KCNK12: variants seen among roughly 807,000 people sequenced by gnomAD.
KCNK12 encodes the protein potassium two pore domain channel subfamily K member 12.
KCNK12 carries 6 observed loss-of-function variants against 25.3 expected under a neutral mutation model. The observed-to-expected ratio is 0.24, with a 90% confidence interval of 0.13 to 0.47. KCNK12 has a LOEUF of 0.47. Ranked by LOEUF, KCNK12 falls within the 20% of genes least tolerant of loss-of-function variation. The probability of loss-of-function intolerance (pLI) is 0.99; values close to 1 mark genes in which losing one functional copy is unlikely to be tolerated. For missense variants in KCNK12, 444 were observed against 661.7 expected (o/e 0.67, Z 3.61); for synonymous variants, 331 against 311.1 (o/e 1.06, Z -0.67).
intron 1 of KCNK12, among the ~76,000 whole-genome samples, chr2:47,541,097 G>A (rs1176407886): frequency 1.3e-5 from 2 of 152,206 alleles, no homozygotes; most frequent in Non-Finnish European, 2.9e-5. Context: ...AATGGGAAGT[G>A]CAGAGCCACC....
At chr2:47,559,259 A>C (rs1669614532) in intron 1 of KCNK12, among the ~76,000 whole-genome samples, 1 of 152,190 alleles carries the variant, frequency 6.6e-6, no homozygotes, top group Non-Finnish European at 1.5e-5. Context: ...CACACCTGCC[A>C]GCCACTGAGA....
chr2:47,545,904 CACTTA>C (rs1669302701), intron 1 of KCNK12, among the ~76,000 whole-genome samples: 1 of 150,586 alleles, frequency 6.6e-6, no homozygotes, highest in Non-Finnish European at 1.5e-5. Context: ...GACTGAATTG[CACTTA>C]ACTTCTTTTT....
At chr2:47,549,788 G>C (rs1470702000) in intron 1 of KCNK12, among the ~76,000 whole-genome samples, 2 of 152,100 alleles carry the variant, frequency 1.3e-5, no homozygotes, top group Non-Finnish European at 2.9e-5. Flanking sequence ...ACAAAAATTA[G>C]CCAGGCGCAG....
rs1668851806 is a variant in KCNK12, at chr2:47,528,795, T to A, written c.392-6987A>T. Among the ~76,000 whole-genome samples, 1 of 152,182 alleles carries A rather than the reference T, an allele frequency of 6.6e-6. No homozygotes were observed. Among genetic ancestry groups the A allele is most frequent in the African/African-American group, 2.4e-5 (1 of 41,442 alleles). ...GCCGCCTTCGCAAATGGGGCCCTGG[T>A]GATGGGGCCTTCGGAGTTCAGCTCA... On this transcript the variant is annotated intron_variant, in intron 1 of 1. Transcript: ENST00000327876. The surrounding 1 kb of genome is among the most constrained non-coding windows in gnomAD (Gnocchi z 4.5).
intron 1 of KCNK12, among the ~76,000 whole-genome samples, chr2:47,524,340 T>C (rs1254985844): frequency 7.9e-5 from 12 of 152,244 alleles, no homozygotes; most frequent in Non-Finnish European, 1.6e-4. Flanking sequence ...ACTAAATGAT[T>C]GTCTATTCAT....
In KCNK12 at chr2:47,520,035, C is replaced by T. The variant is rs1206358627; in HGVS notation, c.*872G>A. ...AATAAATATCTTGTCTGAGAAGACTCAGATATTCCTGGTTAATATTGAAAA... is the reference window on the plus strand; with the variant it reads ...AATAAATATCTTGTCTGAGAAGACTTAGATATTCCTGGTTAATATTGAAAA... On this transcript the variant is annotated 3_prime_UTR_variant, in exon 2 of 2. Transcript: ENST00000327876. This position sits in a 1 kb window ranked among gnomAD's most constrained non-coding sequence, Gnocchi z 5.0. 3 of 152,180 alleles carry T rather than the reference C, an allele frequency of 2.0e-5. No individual in the cohort carries two copies. The highest frequency in any genetic ancestry group is 2.1e-4 in the South Asian group (1 of 4,830). 9.4% of individuals were successfully genotyped at this position (152,180 alleles called of 1,614,324 possible).
intron 1 of KCNK12, among the ~76,000 whole-genome samples, chr2:47,539,542 GGA>G (rs1669148807): frequency 6.6e-6 from 1 of 152,152 alleles, no homozygotes; most frequent in Non-Finnish European, 1.5e-5. Context: ...CACAAACGCA[GGA>G]GAGGATGAAG....
Position 47,548,624 on chromosome 2 carries a change from A to C in KCNK12, c.391+21317T>G, listed in dbSNP as rs1669362627. ...TACACACTGACTTTCGCTTCAGGCC[A>C]CGAGGGCGTAGCTGAATCCAGACTT... is the stretch of plus-strand genomic sequence containing the variant. On this transcript the variant is annotated intron_variant, in intron 1 of 1. Transcript: ENST00000327876. The surrounding 1 kb of genome is among the most constrained non-coding windows in gnomAD (Gnocchi z 4.4). 6.6e-6 allele frequency among the ~76,000 whole-genome samples: 1 copy of C among 152,254 alleles called. No homozygotes were observed. The highest frequency in any genetic ancestry group is 1.5e-5 in the Non-Finnish European group (1 of 68,040).
intron 1 of KCNK12, among the ~76,000 whole-genome samples, chr2:47,537,622 C>T (rs920889589): frequency 6.6e-6 from 1 of 152,220 alleles, no homozygotes; most frequent in African/African-American, 2.4e-5. Context: ...AGCCACCGCG[C>T]CCAGCTGTGA....
At position 47,512,255 on chromosome 2, in the gene KCNK12, A is replaced by G. The variant is rs767122493; in HGVS notation, c.*8652T>C. 36 of 1,604,960 alleles carry G rather than the reference A, an allele frequency of 2.2e-5. No individual in the cohort carries two copies. In the South Asian group the frequency reaches 4.0e-4, roughly 18 times the overall value. The stretch of plus-strand genomic sequence containing the variant: ...TTGCTGAGTATCGTTCTTGATGGAA[A>G]TCCCCGTGGAACTCCTACATTTTCT... On this transcript the variant is annotated 3_prime_UTR_variant, in exon 2 of 2. Coordinates refer to ENST00000327876, the MANE Select transcript of KCNK12 (RefSeq NM_022055.2).
At position 47,534,020 on chromosome 2, in the gene KCNK12, C is replaced by G. The variant is rs115700047; in HGVS notation, c.392-12212G>C. On this transcript the variant is annotated intron_variant, in intron 1 of 1. Coordinates refer to ENST00000327876, the MANE Select transcript of KCNK12 (RefSeq NM_022055.2). ...CTCTGGGGGCCTTTGAGGTGACTTT[C>G]TTCATTTGATGACAACAAGATGGGA... 3.5e-3 allele frequency among the ~76,000 whole-genome samples: 538 copies of G among 152,022 alleles called. 1 individual carries two copies. Among genetic ancestry groups the G allele is most frequent in the African/African-American group, 0.013 (519 of 41,448 alleles).
chr2:47,534,173 T>G (rs778316350), intron 1 of KCNK12, among the ~76,000 whole-genome samples: 3 of 151,968 alleles, frequency 2.0e-5, no homozygotes, highest in Non-Finnish European at 2.9e-5. Flanking sequence ...AGTGACTTCT[T>G]TGAATCGACT....
intron 1 of KCNK12, among the ~76,000 whole-genome samples, chr2:47,522,331 C>A (rs1668677229): frequency 6.6e-6 from 1 of 152,158 alleles, no homozygotes; most frequent in Admixed American, 6.5e-5. Flanking sequence ...AGATATCTAG[C>A]TTCTTATGTG....
Position 47,562,787 on chromosome 2 carries a change from A to C in KCNK12, c.391+7154T>G, listed in dbSNP as rs577975401. On this transcript the variant is annotated intron_variant, in intron 1 of 1. Coordinates refer to ENST00000327876, the MANE Select transcript of KCNK12 (RefSeq NM_022055.2). This position sits in a 1 kb window ranked among gnomAD's most constrained non-coding sequence, Gnocchi z 4.8. ...GCCCCTCCACCCCCTGTTCCTCACC[A>C]ACTCTCCCCGTGTAGAAACTCTGCA... 5.1e-5 allele frequency: 12 copies of C among 233,088 alleles called. No homozygotes were observed. The South Asian group carries it at 1.6e-3, about 32-fold the overall frequency. The allele number at this position is 233,088 out of a possible 1,614,324, so 14.4% of individuals were successfully genotyped here. A position where few individuals can be genotyped will look rare whatever the true frequency, so the allele number is the denominator to read the frequency against.
At chr2:47,537,175 A>AT (rs1466255780) in intron 1 of KCNK12, among the ~76,000 whole-genome samples, 4 of 152,226 alleles carry the variant, frequency 2.6e-5, no homozygotes, top group African/African-American at 9.6e-5. Context: ...TTTGCAGCCC[A>AT]TAATAGCATT....
intron 1 of KCNK12, among the ~76,000 whole-genome samples, chr2:47,549,815 T>A (rs571941265): frequency 1.2e-3 from 181 of 152,176 alleles, no homozygotes; most frequent in African/African-American, 4.2e-3. Context: ...GCGCCTGTAA[T>A]TCTAGCTACT....
rs113528046 is a variant in KCNK12, at chr2:47,514,606, CT to C, written c.*6300del. 7.8e-4 allele frequency among the ~76,000 whole-genome samples: 114 copies of C among 145,970 alleles called. No individual in the cohort carries two copies. Among genetic ancestry groups the C allele is most frequent in the East Asian group, 1.8e-3 (9 of 5,040 alleles). The stretch of plus-strand genomic sequence containing the variant: ...GTTCTTTTTTCTTTTCTTCCTTTTT[CT>C]TTTTTTTTTTTCTTTCTTTTTGAGA... On this transcript the variant is annotated 3_prime_UTR_variant, in exon 2 of 2. Transcript: ENST00000327876. This position sits in a 1 kb window ranked among gnomAD's most constrained non-coding sequence, Gnocchi z 5.0.
rs1321931388 is a variant in KCNK12 at position 47,555,187 on chromosome 2, C to T, written c.391+14754G>A. 6.6e-6 allele frequency among the ~76,000 whole-genome samples: 1 copy of T among 152,168 alleles called. No homozygotes were observed. The highest frequency in any genetic ancestry group is 1.5e-5 in the Non-Finnish European group (1 of 68,022). ...TTAGTGTAGAAGATGGGTTATTCAT[C>T]AATAGATAAATGGGTTTAAAGCCAA... On this transcript the variant is annotated intron_variant, in intron 1 of 1. Transcript: ENST00000327876. The surrounding 1 kb of genome is among the most constrained non-coding windows in gnomAD (Gnocchi z 4.5).
chr2:47,524,824 G>C (rs367815756), intron 1 of KCNK12, among the ~76,000 whole-genome samples: 2 of 152,144 alleles, frequency 1.3e-5, no homozygotes, highest in Non-Finnish European at 2.9e-5. Flanking sequence ...ACCCATCACT[G>C]TATAGGTGAG....
Sources: allele counts gnomAD v4.1 joint callset (sites outside exome capture counted in the v4.1 genomes callset), GRCh38; gene constraint gnomAD v4.1.1; non-coding constraint Gnocchi (gnomAD v3.1); transcripts MANE v1.5; gene names NCBI Gene and HGNC (gene_info 2026-07-23, HGNC 2026-07-21).